SLC8A1: variants seen among roughly 807,000 people sequenced by gnomAD.
The protein encoded by SLC8A1 is sodium/calcium exchanger 1.
In SLC8A1, 18 loss-of-function variants were observed where a neutral mutation model predicts 68.3. The ratio of observed to expected loss-of-function variants is 0.26; its 90% CI spans 0.18 to 0.39. The LOEUF is 0.39. SLC8A1 is among the 10% of genes least tolerant of loss of function. SLC8A1 has a pLI of 1.00. For synonymous variants in SLC8A1, 475 were observed against 415.5 expected (o/e 1.14, Z -1.74); for missense variants, 985 against 1,156.7 (o/e 0.85, Z 2.15).
At chr2:40,453,988 G>A (rs1389973126), upstream of SLC8A1, among the ~76,000 whole-genome samples, 2 of 152,154 alleles carry the variant, frequency 1.3e-5, no homozygotes, top group Admixed American at 6.5e-5. Flanking sequence ...AATTTTCTTG[G>A]AAGCTACTTT....
At chr2:40,256,230 T>C (rs539795683) in intron 2 of SLC8A1, among the ~76,000 whole-genome samples, 1 of 152,294 alleles carries the variant, frequency 6.6e-6, no homozygotes, top group East Asian at 1.9e-4. Context: ...CAACACACTC[T>C]TAAGGACACA....
At chr2:40,263,614 G>A (rs1178849109) in intron 2 of SLC8A1, among the ~76,000 whole-genome samples, 1 of 152,090 alleles carries the variant, frequency 6.6e-6, no homozygotes, top group Non-Finnish European at 1.5e-5. Context: ...AGGACTCCCT[G>A]TTTCATAAAT....
intron 4 of SLC8A1, 31 bp from the exon 7 acceptor site, chr2:40,170,380 G>A (rs754777210): frequency 2.9e-5 from 46 of 1,586,108 alleles, no homozygotes; most frequent in Non-Finnish European, 3.8e-5. Flanking sequence ...AAAATCAGCA[G>A]AATGGATTGC....
Position 40,485,765 on chromosome 2 carries a change from C to A in SLC8A1, c.-25+26584G>T, listed in dbSNP as rs1704929540. 2.0e-5 allele frequency among the ~76,000 whole-genome samples: 3 copies of A among 152,170 alleles called. No individual in the cohort carries two copies. In the South Asian group the frequency reaches 6.2e-4, roughly 32 times the overall value. ...CAACTTTAGTAACAAGAAACTTCAC[C>A]AATCATGGAATTTCTAGCAAAAGAG... is the stretch of plus-strand genomic sequence containing the variant. On this transcript the variant is annotated intron_variant, in intron 1 of 7. Transcript: ENST00000402441.
chr2:40,318,482 C>T (rs938539262), intron 2 of SLC8A1, among the ~76,000 whole-genome samples: 1 of 137,904 alleles, frequency 7.3e-6, no homozygotes, highest in Non-Finnish European at 1.5e-5. Context: ...ATTTTTATAT[C>T]TATTTTACAG....
chr2:40,478,920 C>T (rs760647670), intron 1 of SLC8A1, among the ~76,000 whole-genome samples: 3 of 152,034 alleles, frequency 2.0e-5, no homozygotes, highest in Non-Finnish European at 2.9e-5. Flanking sequence ...TATAGGCGCC[C>T]GCCACCACGC....
intron 2 of SLC8A1, among the ~76,000 whole-genome samples, chr2:40,423,924 A>G (rs1350038114): frequency 1.3e-5 from 2 of 152,116 alleles, no homozygotes; most frequent in Non-Finnish European, 2.9e-5. Flanking sequence ...AGACATAAAT[A>G]TTCTGTTCTG....
chr2:40,331,462 G>A (rs186005319), intron 2 of SLC8A1, among the ~76,000 whole-genome samples: 139 of 152,034 alleles, frequency 9.1e-4, no homozygotes, highest in African/African-American at 2.8e-3. Flanking sequence ...GAACACTCCC[G>A]GGAGAATAAA....
chr2:40,252,537 T>C (rs1413155759), intron 2 of SLC8A1, among the ~76,000 whole-genome samples: 4 of 152,138 alleles, frequency 2.6e-5, no homozygotes, highest in Non-Finnish European at 5.9e-5. Flanking sequence ...TTTCACCATG[T>C]TGGCCAGGAG....
exon 2 of SLC8A1, chr2:40,429,989 G>T (rs1559653918): frequency 1.9e-6 from 3 of 1,613,644 alleles, no homozygotes; most frequent in Admixed American, 1.7e-5. Flanking sequence ...GACATGAACC[G>T]ATCAGCTATG....
intron 2 of SLC8A1, among the ~76,000 whole-genome samples, chr2:40,288,625 T>C (rs1275215452): frequency 2.6e-5 from 4 of 152,022 alleles, no homozygotes; most frequent in African/African-American, 2.4e-5. Flanking sequence ...AGTTCTGTGT[T>C]TAGTGACTTC....
chr2:40,342,480 A>G (rs192958144), intron 2 of SLC8A1, among the ~76,000 whole-genome samples: 316 of 151,970 alleles, frequency 2.1e-3, no homozygotes, highest in African/African-American at 7.3e-3. Context: ...TCTGATATTG[A>G]AAAGAATAGT....
chr2:40,186,519 G>A (rs1199760643), intron 2 of SLC8A1, among the ~76,000 whole-genome samples: 1 of 152,090 alleles, frequency 6.6e-6, no homozygotes, highest in Non-Finnish European at 1.5e-5. Flanking sequence ...GTGGAATAAG[G>A]ACAGGTTGCT....
intron 1 of SLC8A1, among the ~76,000 whole-genome samples, chr2:40,437,285 C>T (rs1419334161): frequency 6.6e-6 from 1 of 152,136 alleles, no homozygotes; most frequent in Non-Finnish European, 1.5e-5. Context: ...CCATGCTGCC[C>T]CTTCTTCCCA....
intron 2 of SLC8A1, among the ~76,000 whole-genome samples, chr2:40,336,454 C>G (rs970031591): frequency 6.6e-6 from 1 of 152,108 alleles, no homozygotes; most frequent in African/African-American, 2.4e-5. Flanking sequence ...GGTCAGGCCT[C>G]GGTACTCCTG....
intron 2 of SLC8A1, among the ~76,000 whole-genome samples, chr2:40,389,770 A>C (rs1684702249): frequency 6.6e-6 from 1 of 151,292 alleles, no homozygotes. Flanking sequence ...GTTTTCAGAT[A>C]CTTTTTTTTA....
At chr2:40,314,541 T>A (rs952388924) in intron 2 of SLC8A1, among the ~76,000 whole-genome samples, 3 of 151,792 alleles carry the variant, frequency 2.0e-5, no homozygotes, top group Non-Finnish European at 1.5e-5. Context: ...AAAAAAAAAA[T>A]GCTTATTGGG....
rs190235329 is a variant in SLC8A1, at chr2:40,413,821, A to G, written c.1808+14652T>C. Among the ~76,000 whole-genome samples the G allele has an allele frequency of 8.4e-4, 128 of 152,332 alleles. 2 individuals are homozygous for G. Among genetic ancestry groups the G allele is most frequent in the Non-Finnish European group, 1.6e-4 (11 of 68,030 alleles). ...TATATTTACTAATCCTTGGATAAAT[A>G]TAACATAAATACATAGAAAAAGAAG... On this transcript the variant is annotated intron_variant, in intron 2 of 7. Transcript: ENST00000406785.
chr2:40,471,306 C>T (rs1015744787), intron 1 of SLC8A1, among the ~76,000 whole-genome samples: 13 of 151,994 alleles, frequency 8.6e-5, no homozygotes, highest in African/African-American at 2.7e-4. Flanking sequence ...CCTGCTTGAC[C>T]ACTGCTTTTC....
Sources: allele counts gnomAD v4.1 joint callset (sites outside exome capture counted in the v4.1 genomes callset), GRCh38; gene constraint gnomAD v4.1.1; transcripts MANE v1.5; gene names NCBI Gene and HGNC (gene_info 2026-07-23, HGNC 2026-07-21).